The following ROBO1 variants were observed in gnomAD, a reference collection of about 807,000 sequenced individuals.
The protein encoded by ROBO1 is roundabout guidance receptor 1.
A neutral mutation model predicts 195.9 loss-of-function variants in ROBO1; 149 were observed. That is an observed-to-expected ratio of 0.76 (90% CI 0.67 to 0.87). The LOEUF (loss-of-function observed/expected upper bound fraction) is 0.87, where lower values mean the gene tolerates loss of function less well. Ranked by LOEUF, ROBO1 falls within the 40% of genes least tolerant of loss-of-function variation. The probability of loss-of-function intolerance (pLI) is 0.00; values close to 1 mark genes in which losing one functional copy is unlikely to be tolerated. For synonymous variants in ROBO1, 816 were observed against 733.2 expected (o/e 1.11, Z -1.82); for missense variants, 1,933 against 2,068.3 (o/e 0.93, Z 1.27).
chr3:79,436,019 A>C (rs144761556), intron 2 of ROBO1, among the ~76,000 whole-genome samples: 3 of 152,168 alleles, frequency 2.0e-5, no homozygotes, highest in Admixed American at 1.3e-4. Context: ...AAACCACTGC[A>C]GAGATAAAAC....
intron 3 of ROBO1, among the ~76,000 whole-genome samples, chr3:79,042,875 C>A (rs1398986946): frequency 1.3e-5 from 2 of 152,094 alleles, no homozygotes; most frequent in Non-Finnish European, 2.9e-5. Flanking sequence ...CTTAAAGCTC[C>A]ATTTTACTGC....
intron 3 of ROBO1, among the ~76,000 whole-genome samples, chr3:78,948,525 A>G (rs2040585545): frequency 6.6e-6 from 1 of 152,222 alleles, no homozygotes; most frequent in African/African-American, 2.4e-5. Flanking sequence ...CAAAATAATA[A>G]GAGTTATCTA....
chr3:78,822,084 A>T (rs577855522), intron 4 of ROBO1, among the ~76,000 whole-genome samples: 1 of 135,020 alleles, frequency 7.4e-6, no homozygotes, highest in Non-Finnish European at 1.6e-5. Flanking sequence ...TGGGAAACAC[A>T]CATATACATA....
intron 2 of ROBO1, among the ~76,000 whole-genome samples, chr3:79,170,943 G>T (rs1294172645): frequency 6.6e-6 from 1 of 151,844 alleles, no homozygotes; most frequent in Admixed American, 6.6e-5. Context: ...CAGAAATGAA[G>T]AAAATATCAC....
intron 3 of ROBO1, among the ~76,000 whole-genome samples, chr3:79,004,580 T>C (rs1446667834): frequency 6.6e-6 from 1 of 152,060 alleles, no homozygotes; most frequent in East Asian, 1.9e-4. Context: ...ATGGGACAGC[T>C]AAGGTTTACC....
intron 3 of ROBO1, among the ~76,000 whole-genome samples, chr3:79,015,182 A>C (rs1576568347): frequency 6.6e-6 from 1 of 152,190 alleles, no homozygotes; most frequent in African/African-American, 2.4e-5. Context: ...AAGATATCAC[A>C]GTATTCAAGT....
rs185911298 is a variant in ROBO1, at chr3:79,202,018, T to C, written c.89-76479A>G. On this transcript the variant is annotated intron_variant, in intron 2 of 30. Transcript: ENST00000464233. The stretch of plus-strand genomic sequence containing the variant: ...TCCCTTCTTTGCCTGATAACTCTTA[T>C]TTGCCCTTCAGGTTTCATTGTAGAC... 3.4e-3 allele frequency among the ~76,000 whole-genome samples: 515 copies of C among 151,950 alleles called. 4 individuals are homozygous for C. Among genetic ancestry groups the C allele is most frequent in the Middle Eastern group, 0.01 (3 of 294 alleles).
intron 1 of ROBO1, among the ~76,000 whole-genome samples, chr3:79,678,266 G>A (rs992728548): frequency 2.6e-5 from 4 of 151,622 alleles, no homozygotes; most frequent in Non-Finnish European, 5.9e-5. Flanking sequence ...TGAACATGAG[G>A]AGCAGATTAG....
At chr3:78,968,297 C>CA (rs2076690450) in intron 3 of ROBO1, among the ~76,000 whole-genome samples, 1 of 132,586 alleles carries the variant, frequency 7.5e-6, no homozygotes, top group Admixed American at 8.4e-5. Flanking sequence ...TTTTTTAAGG[C>CA]AGAGTCTCAC....
intron 1 of ROBO1, among the ~76,000 whole-genome samples, chr3:79,730,004 TAGAG>T (rs1209607124): frequency 6.6e-6 from 1 of 152,210 alleles, no homozygotes; most frequent in African/African-American, 2.4e-5. Context: ...CTAAATTCAT[TAGAG>T]AGATAATTAT....
intron 1 of ROBO1, among the ~76,000 whole-genome samples, chr3:79,749,010 G>T (rs1704002680): frequency 6.6e-6 from 1 of 152,196 alleles, no homozygotes; most frequent in African/African-American, 2.4e-5. Flanking sequence ...AGTTGGAATA[G>T]TTTGGAGGGC....
intron 2 of ROBO1, among the ~76,000 whole-genome samples, chr3:79,317,185 T>C (rs1305839408): frequency 6.6e-6 from 1 of 152,166 alleles, no homozygotes; most frequent in African/African-American, 2.4e-5. Flanking sequence ...TGTATTTATA[T>C]TCATTTATTT....
chr3:78,661,138 T>A lies in ROBO1; in HGVS notation c.2212A>T (p.Ile738Phe), dbSNP rs772499587. The A allele has an allele frequency of 6.2e-7, 1 of 1,613,800 alleles. No individual in the cohort carries two copies. The highest frequency in any genetic ancestry group is 8.5e-7 in the Non-Finnish European group (1 of 1,179,834). Residue 738 changes from isoleucine to phenylalanine, a missense_variant, in exon 16 of 31, where the codon ATC becomes TTC. Ile to Phe is a conservative substitution (Grantham distance 21). Transcript: ENST00000464233. ...TTGACTCCCTTTCTGAGATCAGGGA[T>A]TACCACACTGTTTTTGGCTGGCGTC... is the stretch of plus-strand genomic sequence containing the variant. Reference protein sequence around the residue: ...VRTPAKNSVVIPDLRKGVNYE... With the variant: ...VRTPAKNSVVFPDLRKGVNYE...
At chr3:79,432,074 T>C (rs1277917835) in intron 2 of ROBO1, among the ~76,000 whole-genome samples, 1 of 152,170 alleles carries the variant, frequency 6.6e-6, no homozygotes, top group Non-Finnish European at 1.5e-5. Flanking sequence ...TGTGTTTAGC[T>C]GATAATCCTA....
intron 4 of ROBO1, among the ~76,000 whole-genome samples, chr3:78,845,538 T>G (rs2033605370): frequency 1.3e-5 from 2 of 152,042 alleles, no homozygotes; most frequent in Non-Finnish European, 2.9e-5. Context: ...TATTTCCTAA[T>G]GAAAAGAAAA....
At chr3:79,328,297 A>T (rs1280922542) in intron 2 of ROBO1, among the ~76,000 whole-genome samples, 3 of 152,204 alleles carry the variant, frequency 2.0e-5, no homozygotes, top group African/African-American at 7.2e-5. Context: ...TCTAATTTAT[A>T]CTGCCATCTT....
intron 2 of ROBO1, among the ~76,000 whole-genome samples, chr3:79,572,747 A>G (rs1161195623): frequency 6.6e-6 from 1 of 152,226 alleles, no homozygotes; most frequent in Non-Finnish European, 1.5e-5. Flanking sequence ...AGCAAGAAAA[A>G]CAGAGAAAGG....
chr3:78,689,358 G>C (rs2081119648), intron 8 of ROBO1, among the ~76,000 whole-genome samples: 1 of 152,120 alleles, frequency 6.6e-6, no homozygotes, highest in Admixed American at 6.6e-5. Flanking sequence ...TGAAACATCT[G>C]CTCATCCTGA....
rs80076286 is a variant in ROBO1 at position 79,552,564 on chromosome 3, G to T, written c.88+37260C>A. On this transcript the variant is annotated intron_variant, in intron 2 of 30. Transcript: ENST00000464233. ...TAAATTTAATAGATAGAAAAAATATGCCTGAATTTCTAATGTGCGAAGTAT... is the reference window on the plus strand; with the variant it reads ...TAAATTTAATAGATAGAAAAAATATTCCTGAATTTCTAATGTGCGAAGTAT... Among the ~76,000 whole-genome samples, 4 of 152,194 alleles carry T rather than the reference G, an allele frequency of 2.6e-5. No individual in the cohort carries two copies. In the East Asian group the frequency reaches 5.8e-4, roughly 22 times the overall value.
Sources: allele counts gnomAD v4.1 joint callset (sites outside exome capture counted in the v4.1 genomes callset), GRCh38; gene constraint gnomAD v4.1.1; transcripts MANE v1.5; gene names NCBI Gene and HGNC (gene_info 2026-07-23, HGNC 2026-07-21).